Variants in DNM3 observed in about 807,000 individuals in gnomAD.
DNM3 encodes dynamin-3.
DNM3 carries 47 observed loss-of-function variants against 101.6 expected under a neutral mutation model. The observed-to-expected ratio is 0.46, with a 90% CI of 0.37 to 0.59. DNM3 has a LOEUF of 0.59. DNM3 is among the 20% of genes least tolerant of loss of function. DNM3 has a pLI of 0.00. For missense variants in DNM3, 849 were observed against 1,085.7 expected (o/e 0.78, Z 3.06); for synonymous variants, 385 against 387.9 (o/e 0.99, Z 0.09).
In DNM3 at chr1:172,409,364, A is replaced by T. The variant is rs1367893355; in HGVS notation, c.*1523A>T. On this transcript the variant is annotated 3_prime_UTR_variant, in exon 21 of 21. Coordinates refer to ENST00000627582, the MANE Select transcript of DNM3 (RefSeq NM_015569.5). ...GTTTACACCCAGAGCAGATACTCAT[A>T]AAGTATAAAGTAAAAACTTTTAACC... 1.0e-6 allele frequency: 1 copy of T among 985,046 alleles called. No homozygotes were observed. Among genetic ancestry groups the T allele is most frequent in the African/African-American group, 1.7e-5 (1 of 57,230 alleles). The allele number at this position is 985,046 out of a possible 1,614,324, so 61.0% of individuals were successfully genotyped here. A position where few individuals can be genotyped will look rare whatever the true frequency, so the allele number is the denominator to read the frequency against.
chr1:171,926,477 T>A (rs1230028850), intron 2 of DNM3, among the ~76,000 whole-genome samples: 1 of 152,250 alleles, frequency 6.6e-6, no homozygotes, highest in Admixed American at 6.5e-5. Flanking sequence ...AAAAGACTAT[T>A]CTTTCCTCAC....
At position 172,183,154 on chromosome 1, in the gene DNM3, T is replaced by A. The variant is rs568044724; in HGVS notation, c.1659+51866T>A. On this transcript the variant is annotated intron_variant, in intron 14 of 20. Transcript: ENST00000627582. ...GGGATGAGAAGATCACTGGTTTCAG[T>A]ATTAATACAGATATGCACATACAGC... is the stretch of plus-strand genomic sequence containing the variant. Among the ~76,000 whole-genome samples, 7 of 152,220 alleles carry A rather than the reference T, an allele frequency of 4.6e-5. No individual in the cohort carries two copies. The East Asian group carries it at 1.4e-3, about 29-fold the overall frequency.
chr1:172,089,818 T>G (rs1231464852), intron 12 of DNM3, among the ~76,000 whole-genome samples: 2 of 152,194 alleles, frequency 1.3e-5, no homozygotes, highest in Non-Finnish European at 2.9e-5. Flanking sequence ...TAGTGTAGCT[T>G]ATAAGCTTCT....
chr1:172,061,755 A>G (rs1245831333), intron 10 of DNM3, among the ~76,000 whole-genome samples: 4 of 151,214 alleles, frequency 2.6e-5, no homozygotes, highest in Non-Finnish European at 4.4e-5. Flanking sequence ...GCTAGATGAC[A>G]AGTTAGTGGG....
chr1:172,087,495 A>G (rs1410022998), intron 12 of DNM3, among the ~76,000 whole-genome samples: 2 of 152,142 alleles, frequency 1.3e-5, no homozygotes, highest in African/African-American at 4.8e-5. Context: ...AGAAGCCTCA[A>G]CCTTCTAGTC....
At chr1:172,165,746 T>C (rs911915220) in intron 14 of DNM3, among the ~76,000 whole-genome samples, 1 of 152,120 alleles carries the variant, frequency 6.6e-6, no homozygotes, top group African/African-American at 2.4e-5. Context: ...ATAGAAATCT[T>C]TAATGCTTCT....
At chr1:172,069,913 A>G (rs551209621) in intron 11 of DNM3, among the ~76,000 whole-genome samples, 6 of 152,308 alleles carry the variant, frequency 3.9e-5, no homozygotes, top group Admixed American at 3.9e-4. Flanking sequence ...AGACAAAATA[A>G]AAGAGAGAGG....
intron 14 of DNM3, among the ~76,000 whole-genome samples, chr1:172,145,620 G>A (rs1414432330): frequency 1.3e-5 from 2 of 152,086 alleles, no homozygotes; most frequent in African/African-American, 4.8e-5. Flanking sequence ...TTTTGGCTGG[G>A]TCTCTGAATG....
chr1:171,966,038 G>C (rs1239221951), intron 2 of DNM3, among the ~76,000 whole-genome samples: 1 of 152,148 alleles, frequency 6.6e-6, no homozygotes, highest in African/African-American at 2.4e-5. Context: ...CAGGAACCAT[G>C]GGCAGATACC....
intron 2 of DNM3, among the ~76,000 whole-genome samples, chr1:171,973,157 A>G (rs1327959081): frequency 3.3e-5 from 5 of 152,206 alleles, no homozygotes; most frequent in Admixed American, 3.3e-4. Context: ...GAAAGAATGA[A>G]CAGTTGATAA....
chr1:171,912,137 T>C (rs963231375), intron 1 of DNM3, among the ~76,000 whole-genome samples: 2 of 152,162 alleles, frequency 1.3e-5, no homozygotes, highest in African/African-American at 4.8e-5. Flanking sequence ...CAGAACTGAA[T>C]GTTTAGCATC....
intron 13 of DNM3, among the ~76,000 whole-genome samples, chr1:172,111,996 T>C (rs113100021): frequency 0.011 from 1,735 of 152,358 alleles, 35 homozygotes; most frequent in African/African-American, 0.039. Flanking sequence ...TTTATACTTC[T>C]ACCTGTCATT....
intron 14 of DNM3, among the ~76,000 whole-genome samples, chr1:172,176,809 A>G (rs1449328963): frequency 1.3e-5 from 2 of 151,846 alleles, no homozygotes; most frequent in Non-Finnish European, 2.9e-5. Context: ...TCAGTGGGGA[A>G]CCCCAGAAAG....
chr1:171,942,246 T>C (rs567743261), intron 2 of DNM3, among the ~76,000 whole-genome samples: 12 of 143,458 alleles, frequency 8.4e-5, no homozygotes, highest in Non-Finnish European at 1.5e-4. Context: ...GATCTGATAC[T>C]CTTTTTCTGC....
chr1:171,919,264 G>GTCA (rs1558264774), intron 1 of DNM3, among the ~76,000 whole-genome samples: 2 of 152,028 alleles, frequency 1.3e-5, no homozygotes, highest in African/African-American at 4.8e-5. Context: ...CCATCAACCC[G>GTCA]TCATCTACAT....
At chr1:172,147,262 GT>G (rs575241078) in intron 14 of DNM3, among the ~76,000 whole-genome samples, 450 of 152,208 alleles carry the variant, frequency 3.0e-3, no homozygotes, top group African/African-American at 9.8e-3. Flanking sequence ...AGTTTAAAAA[GT>G]TGGTCATTCT....
At chr1:172,181,588 T>A (rs1001356906) in intron 14 of DNM3, among the ~76,000 whole-genome samples, 1 of 152,108 alleles carries the variant, frequency 6.6e-6, no homozygotes, top group Non-Finnish European at 1.5e-5. Flanking sequence ...TCTACAGAGT[T>A]GTTTTGTAGC....
intron 1 of DNM3, among the ~76,000 whole-genome samples, chr1:171,896,945 C>G (rs936097849): frequency 1.3e-5 from 2 of 152,074 alleles, no homozygotes; most frequent in Non-Finnish European, 2.9e-5. Flanking sequence ...CTTAATTGTT[C>G]TTTACATACT....
At chr1:171,920,639 G>A (rs574286163) in intron 1 of DNM3, among the ~76,000 whole-genome samples, 2 of 152,310 alleles carry the variant, frequency 1.3e-5, no homozygotes, top group East Asian at 3.9e-4. Context: ...TTCTAAATGT[G>A]TTTAAAAACT....
Sources: gnomAD v4.1 joint callset for allele counts (sites outside exome capture counted in the v4.1 genomes callset) on GRCh38, gnomAD v4.1.1 for gene constraint, MANE v1.5 for transcripts, NCBI Gene and HGNC (gene_info 2026-07-23, HGNC 2026-07-21) for gene names.